FBXW9: variants seen among roughly 807,000 people sequenced by gnomAD.
FBXW9 encodes F-box/WD repeat-containing protein 9.
A neutral mutation model predicts 55.8 loss-of-function variants in FBXW9; 38 were observed. The observed-to-expected ratio is 0.68, with a 90% CI of 0.53 to 0.89. The LOEUF (loss-of-function observed/expected upper bound fraction) is 0.89. Ranked by LOEUF, FBXW9 falls within the 40% of genes least tolerant of loss-of-function variation. The probability of loss-of-function intolerance (pLI) is 0.00; values close to 1 mark genes in which losing one functional copy is unlikely to be tolerated. For missense variants in FBXW9, 590 were observed against 619.4 expected (o/e 0.95, Z 0.50); for synonymous variants, 289 against 278.2 (o/e 1.04, Z -0.38).
In FBXW9 at chr19:12,696,571, G is replaced by A. The variant is rs1244461028; in HGVS notation, c.11C>T (p.Pro4Leu). 4 of 1,610,120 alleles carry A rather than the reference G, an allele frequency of 2.5e-6. No homozygotes were observed. Among genetic ancestry groups the A allele is most frequent in the Middle Eastern group, 1.7e-4 (1 of 6,054 alleles). MEL[P>L]LGRCDDSRTW... Reference sequence around the variant, plus strand: ...GCGGGAATCATCGCACCGCCCTAGGGGAAGCTCCATTGCGACCGGGTGGGC... The same window carrying A: ...GCGGGAATCATCGCACCGCCCTAGGAGAAGCTCCATTGCGACCGGGTGGGC... The change falls in exon 1 of 10, where the codon CCC (proline) becomes CTC (leucine). Residue 4 changes from proline to leucine, a missense_variant. By Grantham distance (98) the Pro-to-Leu change is moderately conservative. Coordinates refer to ENST00000393261, the MANE Select transcript of FBXW9 (RefSeq NM_032301.3).
intron 3 of FBXW9, among the ~76,000 whole-genome samples, chr19:12,694,083 G>C (rs993327006): frequency 1.3e-5 from 2 of 151,380 alleles, no homozygotes; most frequent in African/African-American, 4.9e-5. Flanking sequence ...GCTGAGGCAG[G>C]AGAATTGCTT....
At chr19:12,694,024 C>T (rs1447594116) in intron 3 of FBXW9, among the ~76,000 whole-genome samples, 1 of 147,982 alleles carries the variant, frequency 6.8e-6, no homozygotes, top group Non-Finnish European at 1.5e-5. Flanking sequence ...CCTGTCTCTA[C>T]CAAAAATAAA....
At position 12,689,350 on chromosome 19, in the gene FBXW9, G is replaced by A. The variant is rs941775142; in HGVS notation, c.1302+22C>T. ...GATGGCGCTCTGGCCAGCTGGGCAG[G>A]GCACATGGGGCAGGACCTTACCCTA... On this transcript the variant is annotated intron_variant, in intron 9 of 9. Coordinates refer to ENST00000393261, the MANE Select transcript of FBXW9 (RefSeq NM_032301.3). This position sits in a 1 kb window ranked among gnomAD's most constrained non-coding sequence, Gnocchi z 5.9. 8.7e-6 allele frequency: 14 copies of A among 1,614,046 alleles called. No individual in the cohort carries two copies. The African/African-American group carries it at 1.6e-4, about 18-fold the overall frequency.
chr19:12,692,022 C>G (rs2025015324), intron 3 of FBXW9, among the ~76,000 whole-genome samples: 1 of 151,770 alleles, frequency 6.6e-6, no homozygotes, highest in African/African-American at 2.4e-5. Context: ...TCCCAAAGTG[C>G]TGGGATTACA....
chr19:12,689,689 C>G lies in FBXW9; in HGVS notation c.1147-59G>C, dbSNP rs564249981. The G allele has an allele frequency of 2.6e-5, 42 of 1,607,566 alleles. No homozygotes were observed. Among genetic ancestry groups the G allele is most frequent in the South Asian group, 1.1e-4 (10 of 90,852 alleles). Reference sequence around the variant, plus strand: ...GGCTCTCCCAAGGCCCGCCCTCCCCCACACCACCAGGGGCTCGGGTAGGAA... The same window carrying G: ...GGCTCTCCCAAGGCCCGCCCTCCCCGACACCACCAGGGGCTCGGGTAGGAA... On this transcript the variant is annotated intron_variant, in intron 7 of 9. Transcript: ENST00000393261. The surrounding 1 kb of genome is among the most constrained non-coding windows in gnomAD (Gnocchi z 5.9).
chr19:12,691,310 C>T, intron 4 of FBXW9, 32 bp downstream of exon 4: 1 of 1,612,730 alleles, frequency 6.2e-7, no homozygotes, highest in Non-Finnish European at 8.5e-7. Flanking sequence ...GGGTCCTATC[C>T]CCGCAGGCCC....
intron 1 of FBXW9, among the ~76,000 whole-genome samples, chr19:12,695,915 C>T (rs1345285782): frequency 1.3e-5 from 2 of 152,190 alleles, no homozygotes; most frequent in Non-Finnish European, 2.9e-5. Context: ...GATCCTGAGT[C>T]GTCCAGGAAC....
rs374984061 is a variant in FBXW9, at chr19:12,696,211, G to A, written c.371C>T (p.Ala124Val). Residue 124 changes from alanine to valine, a missense_variant, in exon 1 of 10, where the codon GCG becomes GTG. Transcript: ENST00000393261. ...VSDHVTWRLR[A>V]LRRVRAPYPV... is the part of the protein sequence containing the mutation. ...GTAGGGCGCGCGTACGCGGCGTAGC[G>A]CGCGTAGCCTCCAGGTGACATGGTC... 1.2e-5 allele frequency: 18 copies of A among 1,551,218 alleles called. No homozygotes were observed. The highest frequency in any genetic ancestry group is 1.9e-5 in the Admixed American group (1 of 51,504).
chr19:12,689,864 T>C lies in FBXW9; in HGVS notation c.1043A>G (p.Tyr348Cys), dbSNP rs751991989. The change falls in exon 7 of 10, where the codon TAC (tyrosine) becomes TGC (cysteine). Residue 348 changes from tyrosine to cysteine, a missense_variant. Coordinates refer to ENST00000393261, the MANE Select transcript of FBXW9 (RefSeq NM_032301.3). The surrounding 1 kb of genome is among the most constrained non-coding windows in gnomAD (Gnocchi z 5.9). ...TTCCTGGTAGGACATGCAGAGCAGGTAGGAGTCCAGCTACGAGAGGGACAA... is the reference window on the plus strand; with the variant it reads ...TTCCTGGTAGGACATGCAGAGCAGGCAGGAGTCCAGCTACGAGAGGGACAA... Reference protein sequence around the residue: ...SVLQRLQLDSYLLCMSYQEPQ... With the variant: ...SVLQRLQLDSCLLCMSYQEPQ... 7 of 1,613,912 alleles carry C rather than the reference T, an allele frequency of 4.3e-6. No individual in the cohort carries two copies. The South Asian group carries it at 5.5e-5, about 13-fold the overall frequency.
chr19:12,696,049 AG>A, intron 1 of FBXW9, 123 bp downstream of exon 1: 2 of 1,027,046 alleles, frequency 1.9e-6, no homozygotes, highest in Non-Finnish European at 2.7e-6. Flanking sequence ...AGCCTGAGCC[AG>A]GACAGCCACG....
intron 5 of FBXW9, chr19:12,690,331 C>A: frequency 1.4e-6 from 1 of 694,982 alleles, no homozygotes; most frequent in Non-Finnish European, 2.5e-6. Flanking sequence ...ATCCCATATC[C>A]CTCCTCCGAT....
chr19:12,696,596 C>T lies in FBXW9; in HGVS notation c.-15G>A. On this transcript the variant is annotated 5_prime_UTR_variant, in exon 1 of 10. Coordinates refer to ENST00000393261, the MANE Select transcript of FBXW9 (RefSeq NM_032301.3). ...GGAAGCTCCATTGCGACCGGGTGGG[C>T]GCTGCCGGCCTCGCGTCTTGTCTCC... The T allele has an allele frequency of 6.2e-7, 1 of 1,603,150 alleles. No homozygotes were observed. The highest frequency in any genetic ancestry group is 8.5e-7 in the Non-Finnish European group (1 of 1,178,988).
At chr19:12,690,936 G>A (rs986836749) in intron 5 of FBXW9, among the ~76,000 whole-genome samples, 1 of 152,156 alleles carries the variant, frequency 6.6e-6, no homozygotes. Context: ...TTGTCTGGAG[G>A]TCACACAGCT....
At chr19:12,690,215 G>A (rs371265862) in intron 5 of FBXW9, 105 bp from the exon 6 acceptor site, 32 of 1,555,188 alleles carry the variant, frequency 2.1e-5, no homozygotes, top group African/African-American at 1.7e-4. Context: ...CAAAACCCTC[G>A]ATCTGCTCAT....
In FBXW9 at chr19:12,689,781, C is replaced by A. The variant is rs147127517; in HGVS notation, c.1126G>T (p.Gly376Cys). ...GLLHVFANRN[G>C]CFQLIRSFDV... ...CAGACCCGGATAAGCTGGAAGCAGC[C>A]GTTGCGGTTGGCGAAGACGTGCAGC... is the stretch of plus-strand genomic sequence containing the variant. The change falls in exon 7 of 10, where the codon GGC (glycine) becomes TGC (cysteine). Residue 376 changes from glycine (G) to cysteine (C), a missense_variant. Gly to Cys is a radical substitution (Grantham distance 159, BLOSUM62 -3). Coordinates refer to ENST00000393261, the MANE Select transcript of FBXW9 (RefSeq NM_032301.3). The surrounding 1 kb of genome is among the most constrained non-coding windows in gnomAD (Gnocchi z 5.9). The A allele has an allele frequency of 6.2e-7, 1 of 1,614,084 alleles. No individual in the cohort carries two copies. The highest frequency in any genetic ancestry group is 8.5e-7 in the Non-Finnish European group (1 of 1,179,976).
intron 3 of FBXW9, among the ~76,000 whole-genome samples, chr19:12,691,933 A>G (rs1162882166): frequency 1.3e-5 from 2 of 150,836 alleles, no homozygotes; most frequent in East Asian, 2.0e-4. Context: ...TTTTTGTATT[A>G]TTAGTAGAGA....
Position 12,694,927 on chromosome 19 carries a change from C to G in FBXW9, c.421G>C (p.Asp141His). Residue 141 changes from aspartate to histidine, a missense_variant, in exon 2 of 10, where the codon GAC (aspartate) becomes CAC (histidine). Transcript: ENST00000393261. ...PYPVVEEKNF[D>H]WPAACIALEQ... ...AGCGCAATGCAGGCTGCCGGCCAGT[C>G]AAAGTTCTTCTCTGTGGGTTACCAC... The G allele has an allele frequency of 6.2e-7, 1 of 1,613,350 alleles. No homozygotes were observed. The highest frequency in any genetic ancestry group is 8.5e-7 in the Non-Finnish European group (1 of 1,179,934).
In FBXW9 at chr19:12,689,595, C is replaced by A; in HGVS notation, c.1182G>T (p.Gly394=). 6.2e-7 allele frequency: 1 copy of A among 1,614,092 alleles called. No individual in the cohort carries two copies. Among genetic ancestry groups the A allele is most frequent in the Non-Finnish European group, 8.5e-7 (1 of 1,179,986 alleles). The change falls in exon 8 of 10, where the codon GGG becomes GGT. Residue 394 remains glycine (G), a synonymous_variant. Coordinates refer to ENST00000393261, the MANE Select transcript of FBXW9 (RefSeq NM_032301.3). The surrounding 1 kb of genome is among the most constrained non-coding windows in gnomAD (Gnocchi z 5.9). ...ACAAGGCTCCCACGGAGTACTGGAT[C>A]CCAGTGATGGGAAAGCTGTGGCCCA... ...FDVGHSFPIT[G]IQYSVGALYT...
rs1418808574 is a variant in FBXW9 at position 12,689,154 on chromosome 19, C to A, written c.*62G>T. Reference sequence around the variant, plus strand: ...GCAGCACCAACATTGGGGATGGTCCCCCAAGAACAGAGGAGGAAGCCCAGC... The same window carrying A: ...GCAGCACCAACATTGGGGATGGTCCACCAAGAACAGAGGAGGAAGCCCAGC... On this transcript the variant is annotated 3_prime_UTR_variant, in exon 10 of 10. Coordinates refer to ENST00000393261, the MANE Select transcript of FBXW9 (RefSeq NM_032301.3). The surrounding 1 kb of genome is among the most constrained non-coding windows in gnomAD (Gnocchi z 5.9). 7.7e-7 allele frequency: 1 copy of A among 1,303,862 alleles called. No individual in the cohort carries two copies. Among genetic ancestry groups the A allele is most frequent in the Non-Finnish European group, 1.1e-6 (1 of 897,896 alleles). 80.8% of individuals were successfully genotyped at this position (1,303,862 alleles called of 1,614,324 possible). A position where few individuals can be genotyped will look rare whatever the true frequency, so the allele number is the denominator to read the frequency against.
Sources: gnomAD v4.1 joint callset for allele counts (sites outside exome capture counted in the v4.1 genomes callset) on GRCh38, gnomAD v4.1.1 for gene constraint, Gnocchi (gnomAD v3.1) non-coding constraint, MANE v1.5 for transcripts, NCBI Gene and HGNC (gene_info 2026-07-23, HGNC 2026-07-21) for gene names.